IMMP2L: variants seen among roughly 807,000 people sequenced by gnomAD.
The protein encoded by IMMP2L is inner mitochondrial membrane peptidase subunit 2.
Under a neutral mutation model 19.3 loss-of-function variants are expected in IMMP2L, and 18 were observed. The observed-to-expected ratio is 0.93, with a 90% CI of 0.64 to 1.38. IMMP2L has a LOEUF of 1.38. Ranked by LOEUF, IMMP2L falls within the 40% of genes most tolerant of loss-of-function variation. IMMP2L has a pLI of 0.00. For missense variants in IMMP2L, 233 were observed against 218.2 expected, an observed-to-expected ratio of 1.07 and a Z score of -0.43; for synonymous variants, 76 against 73.0, an observed-to-expected ratio of 1.04 and a Z score of -0.21.
intron 3 of IMMP2L, among the ~76,000 whole-genome samples, chr7:111,464,728 C>G (rs1840452439): frequency 6.6e-6 from 1 of 152,092 alleles, no homozygotes; most frequent in African/African-American, 2.4e-5. Context: ...TTACACGGAC[C>G]CTACCCAACC....
chr7:111,081,962 G>T (rs1350778594), intron 3 of IMMP2L, among the ~76,000 whole-genome samples: 1 of 152,202 alleles, frequency 6.6e-6, no homozygotes, highest in Admixed American at 6.5e-5. Context: ...CTTTGCTGTA[G>T]GTTGGCAGAA....
intron 3 of IMMP2L, among the ~76,000 whole-genome samples, chr7:111,156,627 A>G (rs1264503362): frequency 6.6e-6 from 1 of 152,064 alleles, no homozygotes; most frequent in African/African-American, 2.4e-5. Context: ...TTTAGCTTTG[A>G]AATGTGTGCA....
chr7:111,195,607 G>T (rs1263860589), intron 3 of IMMP2L, among the ~76,000 whole-genome samples: 1 of 152,062 alleles, frequency 6.6e-6, no homozygotes, highest in Non-Finnish European at 1.5e-5. Flanking sequence ...TTCATTGAAA[G>T]TCTAATTACG....
chr7:111,307,434 G>A (rs1418643597), intron 3 of IMMP2L, among the ~76,000 whole-genome samples: 1 of 151,672 alleles, frequency 6.6e-6, no homozygotes, highest in African/African-American at 2.4e-5. Flanking sequence ...ACATGCTTAT[G>A]TGTACCATAT....
chr7:111,459,949 G>T (rs997639217), intron 3 of IMMP2L, among the ~76,000 whole-genome samples: 2 of 152,098 alleles, frequency 1.3e-5, no homozygotes, highest in Admixed American at 6.6e-5. Flanking sequence ...TGGAAAATCA[G>T]AGAATTTGAA....
intron 5 of IMMP2L, among the ~76,000 whole-genome samples, chr7:110,685,832 G>C (rs1446338118): frequency 1.3e-5 from 2 of 151,906 alleles, no homozygotes; most frequent in African/African-American, 2.4e-5. Flanking sequence ...CTTTGCCTCT[G>C]GTAGAGGCAT....
At chr7:110,828,333 C>T (rs1336140580) in intron 5 of IMMP2L, among the ~76,000 whole-genome samples, 2 of 152,182 alleles carry the variant, frequency 1.3e-5, no homozygotes, top group African/African-American at 4.8e-5. Flanking sequence ...TGTTCTCCCT[C>T]CTTCCCCTGC....
intron 5 of IMMP2L, among the ~76,000 whole-genome samples, chr7:110,670,383 C>T (rs950360543): frequency 1.3e-5 from 2 of 152,124 alleles, no homozygotes; most frequent in African/African-American, 4.8e-5. Context: ...AGCTAATACA[C>T]ACATGAATTT....
chr7:111,496,343 G>A (rs562676697), intron 2 of IMMP2L, among the ~76,000 whole-genome samples: 24 of 152,178 alleles, frequency 1.6e-4, no homozygotes, highest in African/African-American at 4.1e-4. Flanking sequence ...TTTATATCAT[G>A]GGTACTTATT....
chr7:110,720,101 G>A (rs895587318), intron 5 of IMMP2L, among the ~76,000 whole-genome samples: 3 of 152,142 alleles, frequency 2.0e-5, no homozygotes, highest in Admixed American at 2.0e-4. Flanking sequence ...TAGCTGAGAG[G>A]AGCATGGACA....
chr7:110,916,472 C>T (rs931539848), intron 4 of IMMP2L, among the ~76,000 whole-genome samples: 4 of 152,164 alleles, frequency 2.6e-5, no homozygotes, highest in African/African-American at 7.2e-5. Context: ...GGTGGGACAT[C>T]GCTGGGATAG....
At chr7:110,738,698 C>T (rs1796801592) in intron 5 of IMMP2L, among the ~76,000 whole-genome samples, 1 of 152,120 alleles carries the variant, frequency 6.6e-6, no homozygotes, top group African/African-American at 2.4e-5. Flanking sequence ...ATCTAGACAT[C>T]CAAATACAAG....
rs1420898710 is a variant in IMMP2L at position 111,125,792 on chromosome 7, C to T, written c.240-162227G>A. ...CATAAAGTCTTATTTTAATAATTAG[C>T]AGTAGCTTAGTTTTAGGCCGCTTGC... On this transcript the variant is annotated intron_variant, in intron 3 of 5. Transcript: ENST00000405709. 2.7e-5 allele frequency among the ~76,000 whole-genome samples: 4 copies of T among 147,198 alleles called. 1 individual carries two copies.
intron 3 of IMMP2L, among the ~76,000 whole-genome samples, chr7:111,083,446 T>C (rs1796050791): frequency 6.6e-6 from 1 of 152,174 alleles, no homozygotes; most frequent in Non-Finnish European, 1.5e-5. Flanking sequence ...CTACCATGAA[T>C]ATTTTTTGTC....
At position 110,896,659 on chromosome 7, in the gene IMMP2L, T is replaced by TCAATA. The variant is rs1451302039; in HGVS notation, c.306-9965_306-9964insTATTG. On this transcript the variant is annotated intron_variant, in intron 4 of 5. Coordinates refer to ENST00000405709, the MANE Select transcript of IMMP2L (RefSeq NM_032549.4). Reference sequence around the variant, plus strand: ...AATACTGAGGTATTTTCGTATGTTATTTTACATATAATTGGTATTATTGCA... The same window carrying TCAATA: ...AATACTGAGGTATTTTCGTATGTTATCAATATTTACATATAATTGGTATTATTGCA... 5.3e-5 allele frequency among the ~76,000 whole-genome samples: 8 copies of TCAATA among 151,526 alleles called. 2 individuals are homozygous for TCAATA. Among genetic ancestry groups the TCAATA allele is most frequent in the Admixed American group, 1.3e-4 (2 of 15,186 alleles).
At chr7:111,316,113 A>C (rs1436953810) in intron 3 of IMMP2L, among the ~76,000 whole-genome samples, 2 of 152,178 alleles carry the variant, frequency 1.3e-5, no homozygotes, top group African/African-American at 2.4e-5. Context: ...AAACATAAAA[A>C]AGGTACAGTA....
Position 111,382,740 on chromosome 7 carries a change from C to T in IMMP2L, c.239+104498G>A, listed in dbSNP as rs183337001. The stretch of plus-strand genomic sequence containing the variant: ...CCTAGAACACAGATGGACAGGCAAA[C>T]CTGAACAGAAGAAAGAACACCTCTT... On this transcript the variant is annotated intron_variant, in intron 3 of 5. Coordinates refer to ENST00000405709, the MANE Select transcript of IMMP2L (RefSeq NM_032549.4). Among the ~76,000 whole-genome samples, 396 of 152,028 alleles carry T rather than the reference C, an allele frequency of 2.6e-3. 2 individuals carry two copies. The highest frequency in any genetic ancestry group is 5.0e-3 in the Non-Finnish European group (340 of 67,960).
chr7:111,120,397 A>G (rs1467585815), intron 3 of IMMP2L, among the ~76,000 whole-genome samples: 1 of 152,062 alleles, frequency 6.6e-6, no homozygotes, highest in Non-Finnish European at 1.5e-5. Context: ...TTTCCCCTAT[A>G]AAAACATCAG....
chr7:110,681,241 A>T (rs1792693792), intron 5 of IMMP2L, among the ~76,000 whole-genome samples: 1 of 152,032 alleles, frequency 6.6e-6, no homozygotes. Context: ...GAACTTCAAA[A>T]CCTATTACTG....
Sources: gnomAD v4.1 joint callset for allele counts (sites outside exome capture counted in the v4.1 genomes callset) on GRCh38, gnomAD v4.1.1 for gene constraint, MANE v1.5 for transcripts, NCBI Gene and HGNC (gene_info 2026-07-23, HGNC 2026-07-21) for gene names.